The following TMOD2 variants were observed in gnomAD, a reference collection of about 807,000 sequenced individuals.
TMOD2 encodes tropomodulin-2.
In TMOD2, 22 loss-of-function variants were observed where a neutral mutation model predicts 39.9. The ratio of observed to expected loss-of-function variants is 0.55; its 90% CI spans 0.39 to 0.79. TMOD2 has a LOEUF of 0.79. Among genes scored for constraint, TMOD2 ranks in the 30% least tolerant of loss-of-function variants. The pLI is 0.00. For synonymous variants in TMOD2, 123 were observed against 146.1 expected (o/e 0.84, Z 1.14); for missense variants, 386 against 413.3 (o/e 0.93, Z 0.57).
intron 8 of TMOD2, among the ~76,000 whole-genome samples, chr15:51,800,419 C>T (rs1424364089): frequency 6.6e-6 from 1 of 152,154 alleles, no homozygotes; most frequent in Non-Finnish European, 1.5e-5. Flanking sequence ...GCCTATAATC[C>T]CAGCTACTGG....
chr15:51,751,798 C>T (rs981781438), intron 1 of TMOD2, 86 bp downstream of exon 1: 1 of 150,650 alleles, frequency 6.6e-6, no homozygotes, highest in African/African-American at 2.4e-5. Flanking sequence ...GCCGCCGTGC[C>T]CTCCCTGCCC....
chr15:51,797,881 C>CAAA (rs199742341), intron 7 of TMOD2, among the ~76,000 whole-genome samples: 1 of 106,630 alleles, frequency 9.4e-6, no homozygotes, highest in Non-Finnish European at 2.0e-5. Flanking sequence ...TGTGTTTTCT[C>CAAA]AAAAAAAAAA....
In TMOD2 at chr15:51,798,719, C is replaced by T. The variant is rs528882445; in HGVS notation, c.876+379C>T. On this transcript the variant is annotated intron_variant, in intron 8 of 9. Transcript: ENST00000249700. ...ATCCCAGCCTTACTTTTGCTTCTCA[C>T]TGGGACTGTTGCTAACAGAGAAAGC... is the stretch of plus-strand genomic sequence containing the variant. Among the ~76,000 whole-genome samples the T allele has an allele frequency of 3.9e-5, 6 of 152,364 alleles. No individual in the cohort carries two copies. In the East Asian group the frequency reaches 1.2e-3, roughly 29 times the overall value.
chr15:51,787,282 G>T (rs2055977242), intron 7 of TMOD2, among the ~76,000 whole-genome samples: 2 of 152,306 alleles, frequency 1.3e-5, no homozygotes, highest in South Asian at 2.1e-4. Flanking sequence ...CGGGGGGAGG[G>T]GCATCTGCCA....
Position 51,777,033 on chromosome 15 carries a change from A to G in TMOD2, c.493+15A>G. Reference sequence around the variant, plus strand: ...ACCTGTCAGAAGTAAGTTGATGTGCAATCTGTGGTTTTGTAAAGCTTTGGA... The same window carrying G: ...ACCTGTCAGAAGTAAGTTGATGTGCGATCTGTGGTTTTGTAAAGCTTTGGA... On this transcript the variant is annotated intron_variant, in intron 5 of 9. Coordinates refer to ENST00000249700, the MANE Select transcript of TMOD2 (RefSeq NM_014548.4). 1.3e-6 allele frequency: 2 copies of G among 1,588,248 alleles called. No individual in the cohort carries two copies. The highest frequency in any genetic ancestry group is 1.7e-4 in the Middle Eastern group (1 of 5,990).
intron 7 of TMOD2, among the ~76,000 whole-genome samples, chr15:51,794,457 G>A (rs747424948): frequency 3.0e-4 from 45 of 152,168 alleles, no homozygotes; most frequent in Admixed American, 6.5e-5. Flanking sequence ...GCTCATGCCT[G>A]TAATCCCAGC....
intron 7 of TMOD2, among the ~76,000 whole-genome samples, chr15:51,788,340 A>G (rs1009655832): frequency 6.6e-6 from 1 of 152,222 alleles, no homozygotes; most frequent in African/African-American, 2.4e-5. Context: ...GTGAAAAGAA[A>G]CGAACAAAGC....
At chr15:51,775,812 G>A (rs545365207) in intron 4 of TMOD2, among the ~76,000 whole-genome samples, 2 of 152,082 alleles carry the variant, frequency 1.3e-5, no homozygotes, top group East Asian at 3.9e-4. Flanking sequence ...TCTTGACCTC[G>A]TGATCCGCCC....
chr15:51,778,520 AG>A (rs2055906146), intron 5 of TMOD2, among the ~76,000 whole-genome samples: 1 of 149,580 alleles, frequency 6.7e-6, no homozygotes, highest in Admixed American at 6.7e-5. Context: ...AAAAAAAAAA[AG>A]AAAGAAAGAA....
chr15:51,791,606 T>C (rs1487723290), intron 7 of TMOD2, among the ~76,000 whole-genome samples: 1 of 152,186 alleles, frequency 6.6e-6, no homozygotes, highest in Admixed American at 6.5e-5. Context: ...CTTCAAACTT[T>C]ACTATAAGGC....
chr15:51,806,324 T>C, intron 8 of TMOD2, 53 bp from the exon 9 acceptor site: 3 of 1,602,466 alleles, frequency 1.9e-6, no homozygotes, highest in Non-Finnish European at 2.6e-6. Context: ...TGCAAGTAAC[T>C]GTTTCCTCTT....
chr15:51,769,692 T>C (rs1325040614), intron 3 of TMOD2, among the ~76,000 whole-genome samples: 1 of 152,160 alleles, frequency 6.6e-6, no homozygotes, highest in African/African-American at 2.4e-5. Context: ...AAGATTCTAA[T>C]GGAATTATTG....
intron 8 of TMOD2, among the ~76,000 whole-genome samples, chr15:51,799,211 G>C (rs1465578051): frequency 2.0e-5 from 3 of 152,190 alleles, no homozygotes; most frequent in African/African-American, 7.2e-5. Context: ...CCTTGGAAAG[G>C]AGAGACCAAG....
intron 3 of TMOD2, 138 bp from the exon 4 acceptor site, chr15:51,773,574 A>G: frequency 1.3e-6 from 1 of 745,766 alleles, no homozygotes; most frequent in Non-Finnish European, 2.0e-6. Flanking sequence ...CATCCTGGCA[A>G]TCCAGGAATC....
In TMOD2 at chr15:51,813,140, A is replaced by G. The variant is rs1391296529; in HGVS notation, c.*4686A>G. 3 of 152,222 alleles carry G rather than the reference A, an allele frequency of 2.0e-5. No homozygotes were observed. The highest frequency in any genetic ancestry group is 7.2e-5 in the African/African-American group (3 of 41,442). The allele number at this position is 152,222 out of a possible 1,614,324, so 9.4% of individuals were successfully genotyped here. On this transcript the variant is annotated 3_prime_UTR_variant, in exon 10 of 10. Transcript: ENST00000249700. ...TTTACTTTGTAGTTCAGGAGTTAAG[A>G]AGTCAAATTGCTGACCGAGGTGGGG...
At chr15:51,782,096 GCTAAATGAT>G (rs1384304207) in intron 6 of TMOD2, among the ~76,000 whole-genome samples, 1 of 152,100 alleles carries the variant, frequency 6.6e-6, no homozygotes, top group Non-Finnish European at 1.5e-5. Flanking sequence ...TCATTACTGT[GCTAAATGAT>G]CTAGAAAAAG....
rs79526190 is a variant in TMOD2 at position 51,762,648 on chromosome 15, T to C, written c.-69-3725T>C. Among the ~76,000 whole-genome samples the C allele has an allele frequency of 3.9e-5, 6 of 152,314 alleles. No individual in the cohort carries two copies. In the East Asian group the frequency reaches 1.2e-3, roughly 29 times the overall value. Reference sequence around the variant, plus strand: ...ATCACCACAATCAAGGTAGTAAACATATGCAACATCCCCAAAAGGTTCCCC... The same window carrying C: ...ATCACCACAATCAAGGTAGTAAACACATGCAACATCCCCAAAAGGTTCCCC... On this transcript the variant is annotated intron_variant, in intron 1 of 9. Transcript: ENST00000249700.
At chr15:51,782,696 A>T (rs537334801) in intron 6 of TMOD2, 25 bp from the exon 7 acceptor site, 2 of 1,585,742 alleles carry the variant, frequency 1.3e-6, no homozygotes, top group Non-Finnish European at 1.7e-6. Flanking sequence ...TGGTTCATCA[A>T]CTAGCCATGT....
chr15:51,779,768 A>T (rs944555352), intron 5 of TMOD2, among the ~76,000 whole-genome samples: 3 of 151,404 alleles, frequency 2.0e-5, no homozygotes, highest in African/African-American at 7.3e-5. Flanking sequence ...GCAGCCTCAA[A>T]CTCCTGGGAT....
Sources: allele counts gnomAD v4.1 joint callset (sites outside exome capture counted in the v4.1 genomes callset), GRCh38; gene constraint gnomAD v4.1.1; transcripts MANE v1.5; gene names NCBI Gene and HGNC (gene_info 2026-07-23, HGNC 2026-07-21).